The following FAM114A1 variants were observed in gnomAD, a reference collection of about 807,000 sequenced individuals.
FAM114A1 encodes family with sequence similarity 114 member A1, also known as protein NOXP20.
Under a neutral mutation model 64.3 loss-of-function variants are expected in FAM114A1, and 62 were observed. That is an observed-to-expected ratio of 0.96 (90% CI 0.79 to 1.19). FAM114A1 has a LOEUF of 1.19. Among genes scored for constraint, FAM114A1 ranks in the 50% most tolerant of loss-of-function variants. The pLI, the probability that FAM114A1 is intolerant of heterozygous loss-of-function variation, is 0.00. For missense variants in FAM114A1, 645 were observed against 676.3 expected, an observed-to-expected ratio of 0.95 and a Z score of 0.51; for synonymous variants, 254 against 251.1, an observed-to-expected ratio of 1.01 and a Z score of -0.11.
At chr4:38,874,306 T>C (rs1295570601) in intron 2 of FAM114A1, among the ~76,000 whole-genome samples, 1 of 152,170 alleles carries the variant, frequency 6.6e-6, no homozygotes, top group African/African-American at 2.4e-5. Context: ...GTTGATACTA[T>C]ATATTCTTGA....
chr4:38,897,135 A>G (rs1467182904), intron 4 of FAM114A1, among the ~76,000 whole-genome samples: 1 of 152,222 alleles, frequency 6.6e-6, no homozygotes, highest in African/African-American at 2.4e-5. Flanking sequence ...CATGAGTCAT[A>G]AGACCTGAGA....
intron 4 of FAM114A1, among the ~76,000 whole-genome samples, chr4:38,897,285 A>G (rs1398077625): frequency 6.6e-6 from 1 of 152,214 alleles, no homozygotes; most frequent in Non-Finnish European, 1.5e-5. Flanking sequence ...GTCTCTTCCA[A>G]CTTCCAGAAT....
intron 2 of FAM114A1, among the ~76,000 whole-genome samples, chr4:38,872,495 A>G (rs955390143): frequency 6.6e-6 from 1 of 152,262 alleles, no homozygotes; most frequent in Admixed American, 6.5e-5. Flanking sequence ...CCAGATTAAT[A>G]ATAAGGATTT....
chr4:38,932,183 A>T, intron 11 of FAM114A1, 52 bp from the exon 12 acceptor site: 3 of 1,543,678 alleles, frequency 1.9e-6, no homozygotes, highest in Non-Finnish European at 2.6e-6. Flanking sequence ...GCATTTTTTT[A>T]AAAAAGCATC....
intron 2 of FAM114A1, among the ~76,000 whole-genome samples, chr4:38,872,722 C>A (rs1287771912): frequency 6.6e-6 from 1 of 152,222 alleles, no homozygotes; most frequent in Non-Finnish European, 1.5e-5. Context: ...GGTAAGCAGA[C>A]ATTTTCGGAA....
chr4:38,914,782 A>G lies in FAM114A1; in HGVS notation c.793-139A>G, dbSNP rs1312031755. 5.4e-6 allele frequency: 5 copies of G among 930,942 alleles called. No homozygotes were observed. In the African/African-American group the frequency reaches 6.7e-5, roughly 12 times the overall value. The allele number at this position is 930,942 out of a possible 1,614,324, so 57.7% of individuals were successfully genotyped here. On this transcript the variant is annotated intron_variant, in intron 7 of 14. Coordinates refer to ENST00000358869, the MANE Select transcript of FAM114A1 (RefSeq NM_138389.4). ...ATCAATAGGATCAATCAAAAAAATC[A>G]TTTTTTAGAAATTCTAAAGTGACCA...
rs1721866961 is a variant in FAM114A1, at chr4:38,945,056, G to A, written c.*1499G>A. 6.6e-6 allele frequency: 1 copy of A among 152,100 alleles called. No individual in the cohort carries two copies. Among genetic ancestry groups the A allele is most frequent in the Non-Finnish European group, 1.5e-5 (1 of 68,018 alleles). The allele number at this position is 152,100 out of a possible 1,614,324, so 9.4% of individuals were successfully genotyped here. On this transcript the variant is annotated 3_prime_UTR_variant, in exon 15 of 15. Coordinates refer to ENST00000358869, the MANE Select transcript of FAM114A1 (RefSeq NM_138389.4). ...ATGTATATGAGGTGAAAATATATATGAAAAGGGATACTGAAGAATATTTAG... is the reference window on the plus strand; with the variant it reads ...ATGTATATGAGGTGAAAATATATATAAAAAGGGATACTGAAGAATATTTAG...
At position 38,927,324 on chromosome 4, in the gene FAM114A1, A is replaced by G. The variant is rs188603078; in HGVS notation, c.1070-1918A>G. 1.8e-4 allele frequency among the ~76,000 whole-genome samples: 28 copies of G among 152,318 alleles called. No individual in the cohort carries two copies. The East Asian group carries it at 4.8e-3, about 26-fold the overall frequency. On this transcript the variant is annotated intron_variant, in intron 9 of 14. Coordinates refer to ENST00000358869, the MANE Select transcript of FAM114A1 (RefSeq NM_138389.4). ...TTGGAGACCGTAAAGTCGAAGCTCA[A>G]AGTGCTGGCAGATTCTGTGTCTAAT... is the stretch of plus-strand genomic sequence containing the variant.
chr4:38,896,961 A>G (rs1247640127), intron 4 of FAM114A1, among the ~76,000 whole-genome samples: 1 of 152,244 alleles, frequency 6.6e-6, no homozygotes, highest in African/African-American at 2.4e-5. Context: ...AGACATTAAC[A>G]AAACACAGAG....
At chr4:38,940,850 C>A in intron 13 of FAM114A1, 118 bp from the exon 14 acceptor site, 1 of 1,051,138 alleles carries the variant, frequency 9.5e-7, no homozygotes, top group Non-Finnish European at 1.5e-6. Flanking sequence ...AAGCATTCTG[C>A]TTCCCCTCCT....
At chr4:38,919,829 G>A (rs1301145006) in intron 8 of FAM114A1, among the ~76,000 whole-genome samples, 1 of 152,194 alleles carries the variant, frequency 6.6e-6, no homozygotes, top group Non-Finnish European at 1.5e-5. Context: ...GGAAATATAA[G>A]GAATTACTAT....
intron 9 of FAM114A1, among the ~76,000 whole-genome samples, chr4:38,926,839 T>C (rs1262436797): frequency 6.6e-6 from 1 of 152,222 alleles, no homozygotes; most frequent in Non-Finnish European, 1.5e-5. Flanking sequence ...TAATGCATTC[T>C]CTTTCTTGAA....
intron 9 of FAM114A1, among the ~76,000 whole-genome samples, chr4:38,926,175 GTGAC>G (rs1720071032): frequency 6.6e-6 from 1 of 152,224 alleles, no homozygotes; most frequent in Non-Finnish European, 1.5e-5. Context: ...AGGAAGCTCT[GTGAC>G]TGGCCCCAGG....
Position 38,929,456 on chromosome 4 carries a change from C to T in FAM114A1, c.1161+123C>T, listed in dbSNP as rs150774250. ...CCCCAAATCTTATGTGGCATAGTGC[C>T]GGGAGAGGAGTTTGAGGTCAGTAAT... On this transcript the variant is annotated intron_variant, in intron 10 of 14. Coordinates refer to ENST00000358869, the MANE Select transcript of FAM114A1 (RefSeq NM_138389.4). 38 of 726,986 alleles carry T rather than the reference C, an allele frequency of 5.2e-5. 1 individual carries two copies. The highest frequency in any genetic ancestry group is 3.7e-4 in the South Asian group (21 of 56,882). The allele number at this position is 726,986 out of a possible 1,614,324, so 45.0% of individuals were successfully genotyped here. A position where few individuals can be genotyped will look rare whatever the true frequency, so the allele number is the denominator to read the frequency against.
intron 3 of FAM114A1, among the ~76,000 whole-genome samples, chr4:38,884,929 A>G (rs1715644287): frequency 6.6e-6 from 1 of 152,186 alleles, no homozygotes; most frequent in Non-Finnish European, 1.5e-5. Flanking sequence ...AGCAGAAAAT[A>G]TACTTAACTA....
At chr4:38,929,960 C>T (rs1720493654) in intron 10 of FAM114A1, among the ~76,000 whole-genome samples, 1 of 152,102 alleles carries the variant, frequency 6.6e-6, no homozygotes, top group Admixed American at 6.5e-5. Context: ...TATGTCGGAG[C>T]AGTAGTTATC....
chr4:38,908,660 T>C lies in FAM114A1; in HGVS notation c.726T>C (p.Leu242=), dbSNP rs1395394480. The change falls in exon 7 of 15, where the codon CTT becomes CTC. Residue 242 remains leucine, a synonymous_variant. Transcript: ENST00000358869. ...TCGGCAAGAAAACCATGAATGTCCT[T>C]GCAGAAAGTGACCCGGGCTTTAAGC... ...EFIGKKTMNV[L]AESDPGFKRT... is the part of the protein sequence containing the mutation. The C allele has an allele frequency of 6.2e-7, 1 of 1,613,470 alleles. No individual in the cohort carries two copies. The highest frequency in any genetic ancestry group is 1.3e-5 in the African/African-American group (1 of 74,932).
intron 2 of FAM114A1, among the ~76,000 whole-genome samples, chr4:38,875,291 T>C (rs563364421): frequency 1.3e-5 from 2 of 152,342 alleles, no homozygotes; most frequent in Non-Finnish European, 1.5e-5. Flanking sequence ...CAATAATGAT[T>C]CTTCCTATCC....
chr4:38,885,797 G>C (rs1410475563), intron 3 of FAM114A1, among the ~76,000 whole-genome samples: 2 of 152,178 alleles, frequency 1.3e-5, no homozygotes, highest in Non-Finnish European at 2.9e-5. Flanking sequence ...ACCCTGGACT[G>C]TGCATATTTT....
Sources: gnomAD v4.1 joint callset for allele counts (sites outside exome capture counted in the v4.1 genomes callset) on GRCh38, gnomAD v4.1.1 for gene constraint, MANE v1.5 for transcripts, NCBI Gene and HGNC (gene_info 2026-07-23, HGNC 2026-07-21) for gene names.